Variants in DLEU7 observed in about 807,000 individuals in gnomAD.
DLEU7 encodes the protein deleted in lymphocytic leukemia 7, also known as leukemia-associated protein 7.
DLEU7 carries 17 observed loss-of-function variants against 16.0 expected under a neutral mutation model. The ratio of observed to expected loss-of-function variants is 1.06; its 90% CI spans 0.73 to 1.59. The LOEUF (loss-of-function observed/expected upper bound fraction) is 1.59. DLEU7 is among the 40% of genes most tolerant of loss of function. The probability of loss-of-function intolerance (pLI) is 0.00; values close to 1 mark genes in which losing one functional copy is unlikely to be tolerated. For missense variants in DLEU7, 308 were observed against 314.9 expected (o/e 0.98, Z 0.17); for synonymous variants, 113 against 139.8 (o/e 0.81, Z 1.35).
At chr13:50,766,681 A>G (rs1483874618) in intron 1 of DLEU7, among the ~76,000 whole-genome samples, 2 of 152,024 alleles carry the variant, frequency 1.3e-5, no homozygotes, top group African/African-American at 4.8e-5. Context: ...TGGCTTTCCA[A>G]CTGTTCATGA....
At chr13:50,835,597 T>C (rs1010427672) in intron 1 of DLEU7, among the ~76,000 whole-genome samples, 4 of 152,186 alleles carry the variant, frequency 2.6e-5, no homozygotes, top group Non-Finnish European at 5.9e-5. Context: ...TTGAAAGATA[T>C]TCAAGGCATC....
chr13:50,763,554 T>G (rs1478167615), intron 1 of DLEU7, among the ~76,000 whole-genome samples: 2 of 152,138 alleles, frequency 1.3e-5, no homozygotes, highest in Non-Finnish European at 2.9e-5. Context: ...GTTAGGGAGA[T>G]CATGTGAGTG....
intron 1 of DLEU7, among the ~76,000 whole-genome samples, chr13:50,737,517 C>A (rs1772983516): frequency 6.6e-6 from 1 of 152,082 alleles, no homozygotes; most frequent in African/African-American, 2.4e-5. Flanking sequence ...GGTAATTCTT[C>A]CAATAATTCA....
intron 1 of DLEU7, among the ~76,000 whole-genome samples, chr13:50,759,610 G>A (rs1476073592): frequency 6.6e-6 from 1 of 152,182 alleles, no homozygotes; most frequent in African/African-American, 2.4e-5. Flanking sequence ...AGTAGTGATA[G>A]TAGTCTTCTT....
chr13:50,751,997 C>T (rs1874580031), intron 1 of DLEU7, among the ~76,000 whole-genome samples: 1 of 149,074 alleles, frequency 6.7e-6, no homozygotes, highest in Admixed American at 6.7e-5. Context: ...TTGGTTTGTT[C>T]TTGTTTCTCT....
chr13:50,787,130 A>T (rs983912245), intron 1 of DLEU7, among the ~76,000 whole-genome samples: 1 of 152,188 alleles, frequency 6.6e-6, no homozygotes, highest in Non-Finnish European at 1.5e-5. Flanking sequence ...CACCTTCCTT[A>T]TTATGAGGAT....
chr13:50,731,616 A>G (rs1873914199), intron 1 of DLEU7, among the ~76,000 whole-genome samples: 1 of 152,182 alleles, frequency 6.6e-6, no homozygotes. Context: ...TGGCCCAAGA[A>G]CAAGCCCAGG....
chr13:50,834,488 T>A (rs181433064), intron 1 of DLEU7, among the ~76,000 whole-genome samples: 3 of 150,432 alleles, frequency 2.0e-5, no homozygotes, highest in Non-Finnish European at 4.4e-5. Context: ...AAAACCATAA[T>A]GAAATACCAT....
Position 50,747,371 on chromosome 13 carries a change from T to TGTGTGA in DLEU7, c.460-34132_460-34131insTCACAC, listed in dbSNP as rs547782037. On this transcript the variant is annotated intron_variant, in intron 1 of 1. Transcript: ENST00000400393. Reference sequence around the variant, plus strand: ...GTGTGTGTGTGTGTGTGTGTGTGTGTGACAGAGAGGGAGAAAGTGGGTGTG... The same window carrying TGTGTGA: ...GTGTGTGTGTGTGTGTGTGTGTGTGTGTGTGAGACAGAGAGGGAGAAAGTGGGTGTG... Among the ~76,000 whole-genome samples, 516 of 66,066 alleles carry TGTGTGA rather than the reference T, an allele frequency of 7.8e-3. 1 individual carries two copies. Among genetic ancestry groups the TGTGTGA allele is most frequent in the Non-Finnish European group, 0.01 (353 of 35,134 alleles). 43.3% of individuals were successfully genotyped at this position (66,066 alleles called of 152,430 possible). A position where few individuals can be genotyped will look rare whatever the true frequency, so the allele number is the denominator to read the frequency against.
chr13:50,804,288 TA>T (rs1170950013), intron 1 of DLEU7, among the ~76,000 whole-genome samples: 8 of 152,118 alleles, frequency 5.3e-5, no homozygotes, highest in African/African-American at 1.4e-4. Context: ...TAAATGTTTA[TA>T]TTTTTTTAGA....
At chr13:50,777,380 C>T (rs928964436) in intron 1 of DLEU7, among the ~76,000 whole-genome samples, 5 of 152,134 alleles carry the variant, frequency 3.3e-5, no homozygotes, top group Admixed American at 2.0e-4. Context: ...GGCAGAAAAA[C>T]GTGAAAAGGC....
At chr13:50,823,819 C>T (rs546067928) in intron 1 of DLEU7, among the ~76,000 whole-genome samples, 1 of 152,310 alleles carries the variant, frequency 6.6e-6, no homozygotes, top group African/African-American at 2.4e-5. Context: ...ATCTGCTATC[C>T]TCTTTAACTG....
At chr13:50,718,369 A>T (rs1873496725) in intron 1 of DLEU7, among the ~76,000 whole-genome samples, 1 of 152,222 alleles carries the variant, frequency 6.6e-6, no homozygotes, top group South Asian at 2.1e-4. Context: ...ATAGAAGAAA[A>T]AGAAGATCAA....
intron 1 of DLEU7, among the ~76,000 whole-genome samples, chr13:50,801,554 C>A (rs920679666): frequency 1.3e-5 from 2 of 152,130 alleles, no homozygotes; most frequent in African/African-American, 4.8e-5. Flanking sequence ...TAATCCCTTT[C>A]GTTCAATGCC....
chr13:50,762,752 A>G (rs1266623147), intron 1 of DLEU7, among the ~76,000 whole-genome samples: 1 of 151,244 alleles, frequency 6.6e-6, no homozygotes, highest in Non-Finnish European at 1.5e-5. Flanking sequence ...AACAACAAAA[A>G]CACACTCTCA....
intron 1 of DLEU7, among the ~76,000 whole-genome samples, chr13:50,807,507 T>TG (rs201688646): frequency 0.027 from 3,932 of 146,464 alleles, 84 homozygotes; most frequent in African/African-American, 0.049. Flanking sequence ...TTTTTTGGTG[T>TG]TTTTTTTTTT....
chr13:50,766,848 AT>A (rs1458459463), intron 1 of DLEU7, among the ~76,000 whole-genome samples: 1 of 147,374 alleles, frequency 6.8e-6, no homozygotes, highest in Non-Finnish European at 1.5e-5. Context: ...GGTGCTGTAC[AT>A]ACAGAACCCT....
At chr13:50,819,809 A>G (rs368568478), downstream of DLEU7, among the ~76,000 whole-genome samples, 1 of 152,180 alleles carries the variant, frequency 6.6e-6, no homozygotes, top group Non-Finnish European at 1.5e-5. Context: ...GATATTCTGT[A>G]GTCAGTTGAA....
chr13:50,822,129 A>G (rs750576293), downstream of DLEU7, among the ~76,000 whole-genome samples: 3 of 152,162 alleles, frequency 2.0e-5, no homozygotes, highest in Non-Finnish European at 4.4e-5. Context: ...TCAGTATCAT[A>G]TACTTAGTTC....
Sources: allele counts gnomAD v4.1 joint callset (sites outside exome capture counted in the v4.1 genomes callset), GRCh38; gene constraint gnomAD v4.1.1; transcripts MANE v1.5; gene names NCBI Gene and HGNC (gene_info 2026-07-23, HGNC 2026-07-21).